The following TNS1 variants were observed in gnomAD, a reference collection of about 807,000 sequenced individuals.
The protein encoded by TNS1 is tensin-1.
In TNS1, 62 loss-of-function variants were observed where a neutral mutation model predicts 168.6. The ratio of observed to expected loss-of-function variants is 0.37; its 90% CI spans 0.30 to 0.45. The LOEUF (loss-of-function observed/expected upper bound fraction) is 0.45, where lower values mean the gene tolerates loss of function less well. TNS1 is among the 20% of genes least tolerant of loss of function. The probability of loss-of-function intolerance (pLI) is 1.00; values close to 1 mark genes in which losing one functional copy is unlikely to be tolerated. For synonymous variants in TNS1, 934 were observed against 933.2 expected, an observed-to-expected ratio of 1.00 and a Z score of -0.02; for missense variants, 2,240 against 2,339.4, an observed-to-expected ratio of 0.96 and a Z score of 0.88.
exon 1 of TNS1, chr2:218,010,169 G>C: frequency 2.5e-6 from 1 of 399,192 alleles, no homozygotes; most frequent in East Asian, 3.6e-5. Flanking sequence ...GGATCACGCA[G>C]GAGAAGCACC....
At chr2:217,959,452 A>G (rs762304961) in intron 3 of TNS1, among the ~76,000 whole-genome samples, 1 of 151,918 alleles carries the variant, frequency 6.6e-6, no homozygotes, top group Non-Finnish European at 1.5e-5. Context: ...CTGGTATCTT[A>G]GTATGGAAAC....
At chr2:217,836,269 T>C (rs956171396) in intron 19 of TNS1, 58 bp from the exon 20 acceptor site, 155 of 1,525,022 alleles carry the variant, frequency 1.0e-4, no homozygotes, top group Non-Finnish European at 1.3e-4. Context: ...AAATGATCAA[T>C]CGGCCTAATC....
At position 217,818,558 on chromosome 2, in the gene TNS1, G is replaced by A; in HGVS notation, c.3774C>T (p.Phe1258=). 1.2e-6 allele frequency: 2 copies of A among 1,614,214 alleles called. No homozygotes were observed. The highest frequency in any genetic ancestry group is 1.6e-4 in the Middle Eastern group (1 of 6,062). Residue 1258 remains phenylalanine, a synonymous_variant, in exon 24 of 33, where the codon TTC becomes TTT. Coordinates refer to ENST00000682258, the MANE Select transcript of TNS1 (RefSeq NM_001387777.1). Reference sequence around the variant, plus strand: ...GAGCCTGGCTTTCCGGAGAGGAGCTGAAATGCTGAAGTGAGTAGTCGGGGC... The same window carrying A: ...GAGCCTGGCTTTCCGGAGAGGAGCTAAAATGCTGAAGTGAGTAGTCGGGGC... The part of the protein sequence containing the change: ...YSSPDYSLQH[F]SSSPESQARA...
intron 32 of TNS1, among the ~76,000 whole-genome samples, chr2:217,806,562 G>C (rs1939134401): frequency 6.6e-6 from 1 of 152,186 alleles, no homozygotes; most frequent in South Asian, 2.1e-4. Context: ...CCTGTGGTGA[G>C]TGAGCACAAG....
At chr2:217,953,891 G>A (rs1374393799) in intron 3 of TNS1, among the ~76,000 whole-genome samples, 2 of 152,238 alleles carry the variant, frequency 1.3e-5, no homozygotes, top group African/African-American at 2.4e-5. Context: ...GAGACACCAG[G>A]TGGCCAGCTG....
chr2:217,891,589 A>G (rs1488780834), intron 11 of TNS1, among the ~76,000 whole-genome samples: 1 of 152,228 alleles, frequency 6.6e-6, no homozygotes, highest in African/African-American at 2.4e-5. Flanking sequence ...CCTCCACAGA[A>G]GATTCTACCA....
Position 217,808,063 on chromosome 2 carries a change from A to T in TNS1, c.5375+12T>A. On this transcript the variant is annotated intron_variant, in intron 32 of 32. Coordinates refer to ENST00000682258, the MANE Select transcript of TNS1 (RefSeq NM_001387777.1). ...GCCAGCCTGCTGGGCAGGGGTAAGA[A>T]GTCACACTTACTTAGCAGGGGCACC... is the stretch of plus-strand genomic sequence containing the variant. 1 of 1,613,240 alleles carries T rather than the reference A, an allele frequency of 6.2e-7. No homozygotes were observed. The highest frequency in any genetic ancestry group is 1.1e-5 in the South Asian group (1 of 90,944).
chr2:217,834,231 C>G (rs976736153), intron 21 of TNS1, among the ~76,000 whole-genome samples: 1 of 152,210 alleles, frequency 6.6e-6, no homozygotes, highest in Non-Finnish European at 1.5e-5. Context: ...CAGTACAGGA[C>G]AGCCAGCCCC....
chr2:217,939,583 C>T lies in TNS1; in HGVS notation c.187-19347G>A, dbSNP rs532948779. Among the ~76,000 whole-genome samples, 544 of 152,352 alleles carry T rather than the reference C, an allele frequency of 3.6e-3. 13 individuals carry two copies. The highest frequency in any genetic ancestry group is 8.4e-4 in the Non-Finnish European group (57 of 68,034). Reference sequence around the variant, plus strand: ...TAGGAAGGTCCCTGGGGGAAATGGACCCAGGTCTGGGGCCCCATAGTGGCC... The same window carrying T: ...TAGGAAGGTCCCTGGGGGAAATGGATCCAGGTCTGGGGCCCCATAGTGGCC... On this transcript the variant is annotated intron_variant, in intron 3 of 32. Coordinates refer to ENST00000682258, the MANE Select transcript of TNS1 (RefSeq NM_001387777.1).
chr2:217,961,737 G>A (rs1190544601), intron 3 of TNS1, among the ~76,000 whole-genome samples: 1 of 152,180 alleles, frequency 6.6e-6, no homozygotes, highest in Admixed American at 6.5e-5. Flanking sequence ...CATAGGAAAT[G>A]ATTTCCATAC....
At chr2:217,858,167 C>A (rs186355720) in intron 18 of TNS1, among the ~76,000 whole-genome samples, 4 of 152,106 alleles carry the variant, frequency 2.6e-5, no homozygotes, top group African/African-American at 9.7e-5. Flanking sequence ...GCGCACAAGA[C>A]GAACCGTTAC....
chr2:217,825,629 A>G (rs1486643916), intron 22 of TNS1, among the ~76,000 whole-genome samples: 1 of 152,196 alleles, frequency 6.6e-6, no homozygotes, highest in African/African-American at 2.4e-5. Context: ...AAAGTGGGCC[A>G]CACCACCCCG....
At chr2:217,912,455 CA>C (rs1306372088) in intron 4 of TNS1, among the ~76,000 whole-genome samples, 2 of 60,038 alleles carry the variant, frequency 3.3e-5, no homozygotes, top group East Asian at 4.5e-4. Context: ...GCTTGGGGGC[CA>C]AAAAGACCAC....
intron 18 of TNS1, among the ~76,000 whole-genome samples, chr2:217,874,261 C>T (rs887527598): frequency 1.3e-5 from 2 of 152,142 alleles, no homozygotes; most frequent in African/African-American, 4.8e-5. Context: ...TTAATCACAT[C>T]CTACAAATTC....
intron 3 of TNS1, among the ~76,000 whole-genome samples, chr2:217,976,455 G>T (rs1196424868): frequency 6.6e-6 from 1 of 152,194 alleles, no homozygotes; most frequent in Non-Finnish European, 1.5e-5. Context: ...CAGCTGGGTG[G>T]AGCGCTCACC....
At chr2:217,935,274 AAC>A (rs1281180189) in intron 3 of TNS1, among the ~76,000 whole-genome samples, 3 of 152,256 alleles carry the variant, frequency 2.0e-5, no homozygotes, top group Non-Finnish European at 4.4e-5. Flanking sequence ...ACCTACTCAG[AAC>A]AGTCTGCCCA....
At chr2:217,962,233 C>T (rs1957515387) in intron 3 of TNS1, among the ~76,000 whole-genome samples, 2 of 152,208 alleles carry the variant, frequency 1.3e-5, no homozygotes, top group South Asian at 2.1e-4. Context: ...CACCTGAGGT[C>T]GGGAGCTCAA....
Position 217,809,979 on chromosome 2 carries a change from A to G in TNS1, c.5117T>C (p.Leu1706Pro). 6.2e-7 allele frequency: 1 copy of G among 1,611,352 alleles called. No homozygotes were observed. Among genetic ancestry groups the G allele is most frequent in the Non-Finnish European group, 8.5e-7 (1 of 1,177,960 alleles). The change falls in exon 30 of 33, where the codon CTC becomes CCC. Residue 1706 changes from leucine (L) to proline (P), a missense_variant. Coordinates refer to ENST00000682258, the MANE Select transcript of TNS1 (RefSeq NM_001387777.1). ...CTCCATGTCCACAGAGTTGACGAAG[A>G]GCACATTGCAGGCTGGAAGAAACCA... ...LLKQGAACNVLFVNSVDMESL... is the reference protein window; with the variant it reads ...LLKQGAACNVPFVNSVDMESL...
chr2:217,881,115 A>C, intron 17 of TNS1, 101 bp from the exon 18 acceptor site: 3 of 828,904 alleles, frequency 3.6e-6, no homozygotes, highest in South Asian at 1.6e-5. Flanking sequence ...AGCTCCCCAA[A>C]AGAGGCTCCC....
Sources: gnomAD v4.1 joint callset for allele counts (sites outside exome capture counted in the v4.1 genomes callset) on GRCh38, gnomAD v4.1.1 for gene constraint, MANE v1.5 for transcripts, NCBI Gene and HGNC (gene_info 2026-07-23, HGNC 2026-07-21) for gene names.